The following ANKFN1 variants were observed in gnomAD, a reference collection of about 807,000 sequenced individuals.
ANKFN1 encodes ankyrin repeat and fibronectin type-III domain-containing protein 1.
A neutral mutation model predicts 108.7 loss-of-function variants in ANKFN1; 74 were observed. The observed-to-expected ratio is 0.68, with a 90% confidence interval of 0.56 to 0.83. The LOEUF is 0.83. Ranked by LOEUF, ANKFN1 falls within the 40% of genes least tolerant of loss-of-function variation. ANKFN1 has a pLI of 0.00. For synonymous variants in ANKFN1, 547 were observed against 516.2 expected, an observed-to-expected ratio of 1.06 and a Z score of -0.81; for missense variants, 1,505 against 1,382.3, an observed-to-expected ratio of 1.09 and a Z score of -1.41.
intron 4 of ANKFN1, among the ~76,000 whole-genome samples, chr17:56,095,944 T>G (rs1018183338): frequency 4.6e-5 from 7 of 152,222 alleles, no homozygotes; most frequent in African/African-American, 1.7e-4. Flanking sequence ...CTCTTTGGAA[T>G]CAGAGATGCC....
intron 1 of ANKFN1, among the ~76,000 whole-genome samples, chr17:56,177,094 G>A (rs1370279684): frequency 6.6e-6 from 1 of 152,062 alleles, no homozygotes; most frequent in African/African-American, 2.4e-5. Context: ...CAGGTGAAAG[G>A]CCCCCCTGCC....
chr17:56,442,843 G>A lies in ANKFN1; in HGVS notation c.1009G>A (p.Gly337Ser), dbSNP rs748598711. Residue 337 changes from glycine (G) to serine (S), a missense_variant and splice_region_variant, in exon 10 of 21, where the codon GGC becomes AGC. Transcript: ENST00000682825. Reference sequence around the variant, plus strand: ...GATGCATCATTTCAATACTTTGCAGGGCCAACAGTATTTTGTTCAAGTCTC... The same window carrying A: ...GATGCATCATTTCAATACTTTGCAGAGCCAACAGTATTTTGTTCAAGTCTC... ...LRCTITGLTM[G>S]QQYFVQVSAY... 12 of 1,613,386 alleles carry A rather than the reference G, an allele frequency of 7.4e-6. No individual in the cohort carries two copies. In the South Asian group the frequency reaches 1.3e-4, roughly 18 times the overall value.
intron 1 of ANKFN1, among the ~76,000 whole-genome samples, chr17:56,201,423 CTTG>C (rs1328904877): frequency 6.6e-6 from 1 of 152,206 alleles, no homozygotes; most frequent in African/African-American, 2.4e-5. Context: ...CTCACAATCA[CTTG>C]TTATCATTGT....
intron 3 of ANKFN1, among the ~76,000 whole-genome samples, chr17:56,256,967 G>A (rs1056875949): frequency 6.6e-6 from 1 of 152,184 alleles, no homozygotes; most frequent in Non-Finnish European, 1.5e-5. Context: ...TTGCCTAACA[G>A]CAACATCACA....
intron 4 of ANKFN1, among the ~76,000 whole-genome samples, chr17:56,329,334 C>A (rs547195912): frequency 3.3e-4 from 51 of 152,268 alleles, no homozygotes; most frequent in African/African-American, 1.0e-3. Flanking sequence ...TGTTTCCCAT[C>A]TCTATATCCT....
intron 2 of ANKFN1, among the ~76,000 whole-genome samples, chr17:56,217,874 A>G (rs981743416): frequency 3.3e-5 from 5 of 152,094 alleles, no homozygotes; most frequent in Admixed American, 6.6e-5. Context: ...ATAATTAGTG[A>G]CTTCTAGATT....
intron 17 of ANKFN1, 143 bp from the exon 18 acceptor site, chr17:56,482,213 T>C (rs962704664): frequency 2.9e-5 from 20 of 701,074 alleles, no homozygotes; most frequent in Non-Finnish European, 3.9e-5. Context: ...TTAAATGGGC[T>C]GAACCCTAAT....
At chr17:56,139,767 C>T (rs1907810443) in intron 4 of ANKFN1, among the ~76,000 whole-genome samples, 1 of 152,152 alleles carries the variant, frequency 6.6e-6, no homozygotes, top group Non-Finnish European at 1.5e-5. Context: ...TCTCCGTAGC[C>T]TCATTGCAGC....
intron 8 of ANKFN1, among the ~76,000 whole-genome samples, 172 bp downstream of exon 8, chr17:56,374,886 G>A (rs2144781447): frequency 6.6e-6 from 1 of 152,326 alleles, no homozygotes; most frequent in South Asian, 2.1e-4. Flanking sequence ...GAACAATCAA[G>A]TGACTGAGAA....
chr17:56,260,067 T>C (rs189747515), intron 3 of ANKFN1, among the ~76,000 whole-genome samples: 9 of 152,320 alleles, frequency 5.9e-5, no homozygotes, highest in African/African-American at 9.6e-5. Flanking sequence ...CATGCAAGGA[T>C]AGGCAAAAAT....
intron 3 of ANKFN1, among the ~76,000 whole-genome samples, chr17:56,276,029 A>G (rs2043922631): frequency 6.6e-6 from 1 of 151,874 alleles, no homozygotes; most frequent in African/African-American, 2.4e-5. Context: ...CTCCCACCCC[A>G]TGACAGGCCC....
intron 4 of ANKFN1, among the ~76,000 whole-genome samples, chr17:56,120,008 A>G (rs532490261): frequency 1.3e-5 from 2 of 152,162 alleles, no homozygotes; most frequent in East Asian, 1.9e-4. Context: ...GCTGGCAGGG[A>G]TGTTGTTTCC....
At chr17:56,336,090 T>C (rs1196873358) in intron 4 of ANKFN1, among the ~76,000 whole-genome samples, 1 of 152,194 alleles carries the variant, frequency 6.6e-6, no homozygotes, top group Non-Finnish European at 1.5e-5. Context: ...GGATAAGCTT[T>C]TTGATGAGCT....
At chr17:56,152,899 A>G (rs971762682), upstream of ANKFN1, among the ~76,000 whole-genome samples, 3 of 152,222 alleles carry the variant, frequency 2.0e-5, no homozygotes, top group Non-Finnish European at 4.4e-5. Context: ...TTGCTTGACT[A>G]TCAAGATTAT....
chr17:56,419,483 C>CAA (rs111608193), intron 8 of ANKFN1, among the ~76,000 whole-genome samples: 2 of 118,720 alleles, frequency 1.7e-5, no homozygotes, highest in Non-Finnish European at 1.8e-5. Flanking sequence ...AACTCCATCT[C>CAA]AAAAAAAAAA....
At chr17:56,137,854 A>G (rs141986769) in intron 4 of ANKFN1, among the ~76,000 whole-genome samples, 45 of 152,324 alleles carry the variant, frequency 3.0e-4, no homozygotes, top group African/African-American at 1.1e-3. Flanking sequence ...AACTCTACAT[A>G]CATTTACCAG....
chr17:56,274,951 C>G lies in ANKFN1; in HGVS notation c.53+46994C>G, dbSNP rs150390785. On this transcript the variant is annotated intron_variant, in intron 3 of 20. Transcript: ENST00000682825. The stretch of plus-strand genomic sequence containing the variant: ...CACTTAAGCTAAGCTTCAGTTTCCT[C>G]ATCTGTAAAATGGACTGAATAACGG... 8.7e-3 allele frequency among the ~76,000 whole-genome samples: 1,332 copies of G among 152,296 alleles called. 4 individuals carry two copies. Among genetic ancestry groups the G allele is most frequent in the Non-Finnish European group, 0.014 (932 of 68,024 alleles).
chr17:56,194,546 G>A (rs527481921), intron 1 of ANKFN1, among the ~76,000 whole-genome samples: 31 of 152,140 alleles, frequency 2.0e-4, no homozygotes, highest in Non-Finnish European at 3.7e-4. Context: ...GGAAAAGGCC[G>A]AACTATGAAG....
At chr17:56,203,900 G>T (rs1043104226) in intron 1 of ANKFN1, among the ~76,000 whole-genome samples, 4 of 152,174 alleles carry the variant, frequency 2.6e-5, no homozygotes, top group Non-Finnish European at 4.4e-5. Flanking sequence ...AAGGAAGCTC[G>T]TAGTGGGATA....
Sources: allele counts gnomAD v4.1 joint callset (sites outside exome capture counted in the v4.1 genomes callset), GRCh38; gene constraint gnomAD v4.1.1; transcripts MANE v1.5; gene names NCBI Gene and HGNC (gene_info 2026-07-23, HGNC 2026-07-21).